Variants in IL15 observed in about 807,000 individuals in gnomAD.
The protein encoded by IL15 is interleukin-15.
In IL15, 11 loss-of-function variants were observed where a neutral mutation model predicts 19.6. That is an observed-to-expected ratio of 0.56 (90% confidence interval 0.35 to 0.93). The LOEUF (loss-of-function observed/expected upper bound fraction) is 0.93, where lower values mean the gene tolerates loss of function less well. Among genes scored for constraint, IL15 ranks in the 40% least tolerant of loss-of-function variants. The pLI, the probability that IL15 is intolerant of heterozygous loss-of-function variation, is 0.01. For synonymous variants in IL15, 58 were observed against 59.6 expected (o/e 0.97, Z 0.12); for missense variants, 197 against 186.5 (o/e 1.06, Z -0.33).
At chr4:141,722,808 T>A (rs73851519) in intron 5 of IL15, among the ~76,000 whole-genome samples, 4,064 of 152,110 alleles carry the variant, frequency 0.027, 184 homozygotes, top group African/African-American at 0.092. Context: ...AAAAACTAAA[T>A]GCCTTAACAA....
At chr4:141,678,447 AG>A (rs137916077) in intron 2 of IL15, among the ~76,000 whole-genome samples, 5,842 of 152,036 alleles carry the variant, frequency 0.038, 389 homozygotes, top group African/African-American at 0.13. Flanking sequence ...TAATGTGCTA[AG>A]GGAACTGCAA....
At chr4:141,654,806 A>G (rs1727535055) in intron 1 of IL15, among the ~76,000 whole-genome samples, 1 of 152,140 alleles carries the variant, frequency 6.6e-6, no homozygotes, top group South Asian at 2.1e-4. Context: ...CTTTTTATTA[A>G]AATATAAAAA....
chr4:141,666,263 C>T (rs559059760), intron 2 of IL15, among the ~76,000 whole-genome samples: 51 of 152,116 alleles, frequency 3.4e-4, no homozygotes, highest in Non-Finnish European at 6.9e-4. Flanking sequence ...ACTAGGTCCC[C>T]GGGCGTGGTG....
At chr4:141,706,073 A>G (rs929343707) in intron 2 of IL15, among the ~76,000 whole-genome samples, 5 of 151,896 alleles carry the variant, frequency 3.3e-5, no homozygotes, top group African/African-American at 1.2e-4. Context: ...ATTGATAGAT[A>G]ATAACTTACT....
intron 2 of IL15, among the ~76,000 whole-genome samples, chr4:141,692,210 G>A (rs758262662): frequency 2.6e-5 from 4 of 152,334 alleles, no homozygotes; most frequent in Admixed American, 6.5e-5. Flanking sequence ...GCCATGTCCC[G>A]AGGCTGCACA....
At chr4:141,655,188 T>C (rs1727548274) in intron 1 of IL15, among the ~76,000 whole-genome samples, 1 of 152,102 alleles carries the variant, frequency 6.6e-6, no homozygotes, top group Non-Finnish European at 1.5e-5. Context: ...TGTTTCCTGG[T>C]AGGAGTGGGG....
intron 2 of IL15, among the ~76,000 whole-genome samples, chr4:141,699,065 A>T (rs1009974744): frequency 6.6e-6 from 1 of 152,046 alleles, no homozygotes; most frequent in Non-Finnish European, 1.5e-5. Context: ...TAAAATTTCC[A>T]TCTTGATTTT....
At chr4:141,702,476 TGA>T (rs1396149299) in intron 2 of IL15, among the ~76,000 whole-genome samples, 1 of 152,180 alleles carries the variant, frequency 6.6e-6, no homozygotes, top group Admixed American at 6.5e-5. Context: ...TGACGTAGAC[TGA>T]GATTCCTTGG....
chr4:141,670,979 G>A (rs1728155263), intron 2 of IL15, among the ~76,000 whole-genome samples: 1 of 152,188 alleles, frequency 6.6e-6, no homozygotes. Context: ...GGGGTGAGTT[G>A]TGTATATATC....
intron 7 of IL15, among the ~76,000 whole-genome samples, chr4:141,732,253 G>A (rs1043008194): frequency 5.3e-5 from 8 of 152,150 alleles, no homozygotes; most frequent in Admixed American, 2.6e-4. Flanking sequence ...AGCTAAAATA[G>A]GAATGAATGT....
intron 2 of IL15, among the ~76,000 whole-genome samples, chr4:141,695,327 G>A (rs1729057999): frequency 1.0e-5 from 1 of 98,216 alleles, no homozygotes; most frequent in Non-Finnish European, 1.9e-5. Context: ...GTGAGATTAT[G>A]TAGTACTTGT....
intron 6 of IL15, among the ~76,000 whole-genome samples, chr4:141,728,256 G>A (rs1252054400): frequency 2.0e-5 from 3 of 152,026 alleles, no homozygotes; most frequent in African/African-American, 7.2e-5. Context: ...TTTTTGTGAT[G>A]CAGTTGCATC....
chr4:141,720,162 A>G (rs1730024508), intron 3 of IL15, among the ~76,000 whole-genome samples: 1 of 152,136 alleles, frequency 6.6e-6, no homozygotes, highest in Non-Finnish European at 1.5e-5. Flanking sequence ...CAAAGATAAT[A>G]TAAAAACTTT....
At chr4:141,653,298 CAT>C (rs1727474438) in intron 1 of IL15, among the ~76,000 whole-genome samples, 1 of 152,072 alleles carries the variant, frequency 6.6e-6, no homozygotes, top group African/African-American at 2.4e-5. Context: ...TGGAGAATGT[CAT>C]AGTTTTTTCC....
chr4:141,653,049 A>G (rs927357666), intron 1 of IL15, among the ~76,000 whole-genome samples: 6 of 152,218 alleles, frequency 3.9e-5, no homozygotes, highest in Admixed American at 6.5e-5. Context: ...GAGTGATCAC[A>G]TAGAGACTGG....
intron 2 of IL15, among the ~76,000 whole-genome samples, chr4:141,658,230 CCA>C (rs1727672926): frequency 6.6e-6 from 1 of 152,216 alleles, no homozygotes; most frequent in Non-Finnish European, 1.5e-5. Flanking sequence ...ATGCCTGCTT[CCA>C]CTTCATCTTC....
chr4:141,671,319 A>G (rs1728168843), intron 2 of IL15, among the ~76,000 whole-genome samples: 1 of 152,192 alleles, frequency 6.6e-6, no homozygotes. Context: ...TGTGAAAAGT[A>G]CTACAAAAAT....
intron 2 of IL15, among the ~76,000 whole-genome samples, chr4:141,689,628 G>C (rs977997090): frequency 6.6e-6 from 1 of 151,112 alleles, no homozygotes; most frequent in African/African-American, 2.4e-5. Context: ...TAGCTAGATA[G>C]TGTCGATTGG....
chr4:141,696,001 G>A (rs1056166977), intron 2 of IL15, among the ~76,000 whole-genome samples: 2 of 151,928 alleles, frequency 1.3e-5, no homozygotes, highest in Admixed American at 1.3e-4. Flanking sequence ...TGATTTTGAA[G>A]TTATTTAAAA....
Sources: gnomAD v4.1 joint callset for allele counts (sites outside exome capture counted in the v4.1 genomes callset) on GRCh38, gnomAD v4.1.1 for gene constraint, MANE v1.5 for transcripts, NCBI Gene and HGNC (gene_info 2026-07-23, HGNC 2026-07-21) for gene names.